Variants in SLC17A1 observed in about 807,000 individuals in gnomAD.
SLC17A1 encodes the protein sodium-dependent phosphate transport protein 1.
In SLC17A1, 51 loss-of-function variants were observed where a neutral mutation model predicts 53.5. That is an observed-to-expected ratio of 0.95 (90% CI 0.76 to 1.20). The LOEUF (loss-of-function observed/expected upper bound fraction) is 1.20. Among genes scored for constraint, SLC17A1 ranks in the 50% most tolerant of loss-of-function variants. The pLI is 0.00. For missense variants in SLC17A1, 538 were observed against 568.2 expected, an observed-to-expected ratio of 0.95 and a Z score of 0.54; for synonymous variants, 179 against 198.8, an observed-to-expected ratio of 0.90 and a Z score of 0.84.
At chr6:25,828,785 CA>C (rs1764843492) in intron 2 of SLC17A1, among the ~76,000 whole-genome samples, 1 of 151,986 alleles carries the variant, frequency 6.6e-6, no homozygotes, top group Non-Finnish European at 1.5e-5. Flanking sequence ...AGACTGTAAA[CA>C]AATTAGATGT....
intron 10 of SLC17A1, among the ~76,000 whole-genome samples, chr6:25,809,641 T>G (rs1012654139): frequency 6.6e-6 from 1 of 151,996 alleles, no homozygotes; most frequent in African/African-American, 2.4e-5. Flanking sequence ...TGTAAAGATA[T>G]CCTGTGCTTA....
At chr6:25,739,479 T>A in the SLC17A1 span, among the ~76,000 whole-genome samples, 1 of 152,158 alleles carries the variant, frequency 6.6e-6, no homozygotes, top group Non-Finnish European at 1.5e-5. Context: ...CACACAAAAA[T>A]CTGTATGCAT....
At chr6:25,776,534 T>G in the SLC17A1 span, 1 of 1,537,276 alleles carries the variant, frequency 6.5e-7, no homozygotes, top group Non-Finnish European at 8.7e-7. Context: ...TGTCCAAGGT[T>G]GTCTGTGTCG....
the SLC17A1 span, chr6:25,727,081 C>A: frequency 3.7e-6 from 6 of 1,614,124 alleles, no homozygotes; most frequent in Non-Finnish European, 5.1e-6. Context: ...GGCATCTCTT[C>A]GAAAGCTATG....
At chr6:25,754,118 G>C in the SLC17A1 span, among the ~76,000 whole-genome samples, 1 of 150,140 alleles carries the variant, frequency 6.7e-6, no homozygotes, top group African/African-American at 2.4e-5. Context: ...AGAGAGGCTG[G>C]TGATGGCTTT....
chr6:25,741,492 A>G, the SLC17A1 span, among the ~76,000 whole-genome samples: 1 of 151,494 alleles, frequency 6.6e-6, no homozygotes, highest in Non-Finnish European at 1.5e-5. Flanking sequence ...AGGCGAGTGG[A>G]TCACCTGAGG....
chr6:25,824,632 T>C (rs1337786831), intron 3 of SLC17A1, among the ~76,000 whole-genome samples: 1 of 151,826 alleles, frequency 6.6e-6, no homozygotes, highest in Non-Finnish European at 1.5e-5. Flanking sequence ...GGAGGTAGAT[T>C]TGTATTATTA....
chr6:25,776,799 C>G, the SLC17A1 span: 111 of 1,613,812 alleles, frequency 6.9e-5, no homozygotes, highest in Non-Finnish European at 8.7e-5. Flanking sequence ...CTGTGTTTGT[C>G]CTCCTACCCC....
the SLC17A1 span, chr6:25,726,775 C>G: frequency 8.4e-7 from 1 of 1,185,388 alleles, no homozygotes; most frequent in Non-Finnish European, 1.2e-6. Flanking sequence ...TCCTCCAGTT[C>G]TGTTTGTTTA....
Position 25,819,145 on chromosome 6 carries a change from A to C in SLC17A1, c.539T>G (p.Leu180Arg), listed in dbSNP as rs756263456. ...CACAAGTAGGACAATAAAGGGTCCC[A>C]GCAAAAACCCTAATCAGTAGGTACA... ...LTSMSTSGFL[L>R]GPFIVLLVTG... The change falls in exon 6 of 13, where the codon CTG becomes CGG. Residue 180 changes from leucine to arginine, a missense_variant. Physicochemically the swap from Leu to Arg is moderately radical, Grantham distance 102 (BLOSUM62 -2). Coordinates refer to ENST00000244527, the MANE Select transcript of SLC17A1 (RefSeq NM_005074.5). 2.4e-5 allele frequency: 38 copies of C among 1,608,134 alleles called. No individual in the cohort carries two copies. The highest frequency in any genetic ancestry group is 3.2e-5 in the Non-Finnish European group (38 of 1,177,944).
At chr6:25,829,805 AG>A (rs1764881897) in intron 2 of SLC17A1, among the ~76,000 whole-genome samples, 1 of 152,184 alleles carries the variant, frequency 6.6e-6, no homozygotes, top group African/African-American at 2.4e-5. Flanking sequence ...AACTGAGCAA[AG>A]GAACAAACCC....
chr6:25,726,656 C>T, the SLC17A1 span: 460 of 1,247,592 alleles, frequency 3.7e-4, no homozygotes, highest in African/African-American at 6.4e-3. Context: ...ATCAGAAAGT[C>T]GTACTAGAAT....
At chr6:25,788,832 TACAA>T (rs1340105460) in intron 12 of SLC17A1, among the ~76,000 whole-genome samples, 1 of 151,950 alleles carries the variant, frequency 6.6e-6, no homozygotes, top group Non-Finnish European at 1.5e-5. Flanking sequence ...ACAAAGTAAA[TACAA>T]ACATTAATCC....
At chr6:25,740,738 T>C in the SLC17A1 span, among the ~76,000 whole-genome samples, 3 of 152,198 alleles carry the variant, frequency 2.0e-5, no homozygotes, top group Non-Finnish European at 2.9e-5. Context: ...ATATTAATTA[T>C]AGCATTACTC....
the SLC17A1 span, chr6:25,726,768 T>G: frequency 8.5e-7 from 1 of 1,182,764 alleles, no homozygotes; most frequent in Non-Finnish European, 1.2e-6. Context: ...TCTTTCATCC[T>G]CCAGTTCTGT....
intron 12 of SLC17A1, among the ~76,000 whole-genome samples, chr6:25,787,298 G>A (rs1467229249): frequency 6.6e-6 from 1 of 151,518 alleles, no homozygotes; most frequent in Non-Finnish European, 1.5e-5. Context: ...ACCAGCCTGG[G>A]AAACATAGCT....
chr6:25,742,298 G>C, the SLC17A1 span, among the ~76,000 whole-genome samples: 1,033 of 152,260 alleles, frequency 6.8e-3, 12 homozygotes, highest in Non-Finnish European at 0.012. Context: ...TCAGAACTAA[G>C]TGAATTTAAA....
chr6:25,733,939 C>T, the SLC17A1 span, among the ~76,000 whole-genome samples: 5 of 151,844 alleles, frequency 3.3e-5, no homozygotes, highest in South Asian at 6.3e-4. Flanking sequence ...CTCAGCCTCC[C>T]GAGTAGCTGG....
chr6:25,779,327 T>C (rs1763185656), downstream of SLC17A1: 9 of 1,226,942 alleles, frequency 7.3e-6, no homozygotes, highest in Non-Finnish European at 1.0e-5. Context: ...TTACCATGCC[T>C]GGAAATTTTA....
Sources: allele counts gnomAD v4.1 joint callset (sites outside exome capture counted in the v4.1 genomes callset), GRCh38; gene constraint gnomAD v4.1.1; transcripts MANE v1.5; gene names NCBI Gene and HGNC (gene_info 2026-07-23, HGNC 2026-07-21).